Variants in ANK3 observed in about 807,000 individuals in gnomAD.
ANK3 encodes ankyrin 3, also known as ankyrin-3.
ANK3 carries 57 observed loss-of-function variants against 370.9 expected under a neutral mutation model. The ratio of observed to expected loss-of-function variants is 0.15; its 90% confidence interval spans 0.12 to 0.19. The LOEUF (loss-of-function observed/expected upper bound fraction) is 0.19, where lower values mean the gene tolerates loss of function less well. Among genes scored for constraint, ANK3 ranks in the 10% least tolerant of loss-of-function variants. The pLI, the probability that ANK3 is intolerant of heterozygous loss-of-function variation, is 1.00. For synonymous variants in ANK3, 1,929 were observed against 1,946.3 expected (o/e 0.99, Z 0.23); for missense variants, 4,439 against 5,302.1 (o/e 0.84, Z 5.06).
At chr10:60,044,035 TTGTCCTC>T (rs2076549700) in intron 42 of ANK3, 1 of 985,684 alleles carries the variant, frequency 1.0e-6, no homozygotes, top group African/African-American at 1.7e-5. Flanking sequence ...CACAAAGCTT[TTGTCCTC>T]TACATTCTCT....
Position 60,319,453 on chromosome 10 carries a change from T to C in ANK3, c.115-39814A>G, listed in dbSNP as rs893361801. 2.6e-5 allele frequency among the ~76,000 whole-genome samples: 4 copies of C among 152,252 alleles called. No homozygotes were observed. The East Asian group carries it at 7.7e-4, about 29-fold the overall frequency. ...AACAGTAATAAGACAACACGACAAATGCCAGCCTGGGGAAAAACAACTGGA... is the reference window on the plus strand; with the variant it reads ...AACAGTAATAAGACAACACGACAAACGCCAGCCTGGGGAAAAACAACTGGA... On this transcript the variant is annotated intron_variant, in intron 1 of 43. Coordinates refer to ENST00000280772, the MANE Select transcript of ANK3 (RefSeq NM_020987.5).
chr10:60,635,808 C>G (rs2186252), intron 1 of ANK3, among the ~76,000 whole-genome samples: 51,894 of 151,566 alleles, frequency 0.34, 9,023 homozygotes, highest in African/African-American at 0.39. Context: ...GCCTTTTCTC[C>G]CATCTCACAT....
At chr10:60,299,610 A>T (rs1445267331) in intron 1 of ANK3, among the ~76,000 whole-genome samples, 1 of 152,220 alleles carries the variant, frequency 6.6e-6, no homozygotes, top group African/African-American at 2.4e-5. Context: ...CCATACCATG[A>T]TCTACATAGC....
At position 60,069,753 on chromosome 10, in the gene ANK3, T is replaced by A; in HGVS notation, c.11128A>T (p.Asn3710Tyr). 6.2e-7 allele frequency: 1 copy of A among 1,614,004 alleles called. No individual in the cohort carries two copies. The highest frequency in any genetic ancestry group is 8.5e-7 in the Non-Finnish European group (1 of 1,179,986). ...AACTTGGGGTCAACTTTAGAGGTGTTAGTGGCTGCTGCTGATTTCTCCAGG... is the reference window on the plus strand; with the variant it reads ...AACTTGGGGTCAACTTTAGAGGTGTAAGTGGCTGCTGCTGATTTCTCCAGG... ...GSLEKSAAAT[N>Y]TSKVDPKLRT... Residue 3710 changes from asparagine (N) to tyrosine (Y), a missense_variant, in exon 37 of 44, where the codon AAC becomes TAC. Asn to Tyr is a moderately radical substitution (Grantham distance 143, BLOSUM62 -2). Around this residue, in one of 13 missense-constraint regions of ANK3, gnomAD observed 496 missense variants for 529.3 expected, o/e 0.94. Coordinates refer to ENST00000280772, the MANE Select transcript of ANK3 (RefSeq NM_020987.5).
At chr10:60,403,576 T>A (rs1594960600) in intron 2 of ANK3, among the ~76,000 whole-genome samples, 1 of 152,250 alleles carries the variant, frequency 6.6e-6, no homozygotes, top group Admixed American at 6.5e-5. Flanking sequence ...TGGCCCTTTT[T>A]AATTTTTATT....
At chr10:60,658,480 A>C (rs149227600) in intron 1 of ANK3, among the ~76,000 whole-genome samples, 3,306 of 152,060 alleles carry the variant, frequency 0.022, 76 homozygotes, top group Non-Finnish European at 0.03. Flanking sequence ...ACCTCCCCCC[A>C]CACACATCCT....
At chr10:60,610,223 G>C (rs1248596343) in intron 2 of ANK3, among the ~76,000 whole-genome samples, 1 of 152,086 alleles carries the variant, frequency 6.6e-6, no homozygotes, top group South Asian at 2.1e-4. Context: ...GGCAAGGAGG[G>C]CCCCTTTTGT....
chr10:60,079,432 C>T (rs1258197383), intron 36 of ANK3, among the ~76,000 whole-genome samples: 5 of 152,084 alleles, frequency 3.3e-5, no homozygotes, highest in East Asian at 1.9e-4. Flanking sequence ...CAGAAGATGA[C>T]GCTAAGACCA....
At chr10:60,278,116 T>G (rs2098116262) in intron 4 of ANK3, among the ~76,000 whole-genome samples, 1 of 152,212 alleles carries the variant, frequency 6.6e-6, no homozygotes, top group Non-Finnish European at 1.5e-5. Context: ...CCATGTAAGA[T>G]TTATAGGAGG....
intron 1 of ANK3, among the ~76,000 whole-genome samples, chr10:60,302,121 T>C (rs1417828230): frequency 6.6e-6 from 1 of 152,192 alleles, no homozygotes; most frequent in Admixed American, 6.5e-5. Flanking sequence ...ATGAAACTTA[T>C]ATACACCAGC....
chr10:60,041,262 T>C (rs2393576), intron 43 of ANK3, among the ~76,000 whole-genome samples: 51,410 of 152,106 alleles, frequency 0.34, 10,510 homozygotes, highest in Non-Finnish European at 0.46. Context: ...TAAAATCCCT[T>C]AGTGGTTTCC....
chr10:60,322,441 A>G (rs535274749), intron 1 of ANK3, among the ~76,000 whole-genome samples: 5 of 152,274 alleles, frequency 3.3e-5, no homozygotes, highest in South Asian at 2.1e-4. Context: ...AGTGCTGGCT[A>G]TAGTTAAACA....
chr10:60,491,250 T>C (rs908619735), intron 2 of ANK3, among the ~76,000 whole-genome samples: 2 of 150,126 alleles, frequency 1.3e-5, no homozygotes, highest in African/African-American at 2.5e-5. Context: ...TATATTAGTC[T>C]TTTTGTAGAA....
intron 1 of ANK3, among the ~76,000 whole-genome samples, chr10:60,714,940 A>T (rs1328430059): frequency 2.0e-5 from 3 of 152,172 alleles, no homozygotes; most frequent in Non-Finnish European, 2.9e-5. Context: ...AAACTCATAG[A>T]ACTGTACAAC....
intron 2 of ANK3, among the ~76,000 whole-genome samples, chr10:60,434,391 A>T (rs61847579): frequency 0.08 from 12,132 of 152,274 alleles, 911 homozygotes; most frequent in East Asian, 0.22. Context: ...CAAATCACAC[A>T]TTGAATAGAG....
chr10:60,547,767 C>G (rs1203603321), intron 2 of ANK3, among the ~76,000 whole-genome samples: 1 of 151,974 alleles, frequency 6.6e-6, no homozygotes, highest in African/African-American at 2.4e-5. Context: ...AGCAAATTAA[C>G]TACATTTTTA....
At chr10:60,339,096 T>A (rs2053682405) in intron 1 of ANK3, among the ~76,000 whole-genome samples, 1 of 151,798 alleles carries the variant, frequency 6.6e-6, no homozygotes, top group Non-Finnish European at 1.5e-5. Flanking sequence ...TTGTGTTTAT[T>A]TGATAGAAAA....
chr10:60,166,203 G>A (rs2095620384), intron 23 of ANK3, among the ~76,000 whole-genome samples: 1 of 151,660 alleles, frequency 6.6e-6, no homozygotes, highest in Non-Finnish European at 1.5e-5. Flanking sequence ...GCATTTAAAA[G>A]GATTTCCTAT....
At chr10:60,636,123 T>C (rs1480750901) in intron 1 of ANK3, among the ~76,000 whole-genome samples, 1 of 152,228 alleles carries the variant, frequency 6.6e-6, no homozygotes, top group Non-Finnish European at 1.5e-5. Context: ...AAAGAATCTT[T>C]GGCAAGCTGG....
Sources: gnomAD v4.1 joint callset for allele counts (sites outside exome capture counted in the v4.1 genomes callset) on GRCh38, gnomAD v4.1.1 for gene constraint, gnomAD v4.1.1 regional missense constraint, MANE v1.5 for transcripts, NCBI Gene and HGNC (gene_info 2026-07-23, HGNC 2026-07-21) for gene names.